Variants in CACNG7 observed in about 807,000 individuals in gnomAD.
CACNG7 encodes calcium voltage-gated channel auxiliary subunit gamma 7.
Under a neutral mutation model 26.3 loss-of-function variants are expected in CACNG7, and 9 were observed. The observed-to-expected ratio is 0.34, with a 90% confidence interval of 0.21 to 0.60. CACNG7 has a LOEUF of 0.60. Among genes scored for constraint, CACNG7 ranks in the 20% least tolerant of loss-of-function variants. The pLI is 0.81. For missense variants in CACNG7, 297 were observed against 380.4 expected (o/e 0.78, Z 1.82); for synonymous variants, 170 against 157.0 (o/e 1.08, Z -0.62).
chr19:53,912,669 C>G lies in CACNG7; in HGVS notation c.-29-134C>G. 1.5e-6 allele frequency: 1 copy of G among 671,102 alleles called. No homozygotes were observed. 41.6% of individuals were successfully genotyped at this position (671,102 alleles called of 1,614,324 possible). ...CTAGGGTTGGGGTCATGGGTCAGGC[C>G]ACGGAGGTCAGATCTGAGATTTCGA... On this transcript the variant is annotated intron_variant, in intron 1 of 5. Transcript: ENST00000391767. The surrounding 1 kb of genome is among the most constrained non-coding windows in gnomAD (Gnocchi z 4.6).
intron 4 of CACNG7, among the ~76,000 whole-genome samples, chr19:53,922,481 T>C (rs1401173849): frequency 5.5e-5 from 5 of 90,882 alleles, no homozygotes; most frequent in African/African-American, 2.4e-4. Flanking sequence ...TTGCCCCAGG[T>C]CTGGTCATTG....
At chr19:53,913,165 G>A (rs956062794) in intron 2 of CACNG7, 138 bp downstream of exon 2, 3 of 760,818 alleles carry the variant, frequency 3.9e-6, no homozygotes, top group East Asian at 2.7e-5. Context: ...AAATTTCTAC[G>A]TGGAGCCCCA....
chr19:53,941,983 T>A, intron 5 of CACNG7, 53 bp from the exon 6 acceptor site: 1 of 1,513,494 alleles, frequency 6.6e-7, no homozygotes, highest in African/African-American at 1.4e-5. Context: ...TGAGTCGGGG[T>A]CCGGGGATGC....
At chr19:53,935,533 G>A (rs1357873307) in intron 4 of CACNG7, among the ~76,000 whole-genome samples, 2 of 150,966 alleles carry the variant, frequency 1.3e-5, no homozygotes, top group Admixed American at 1.3e-4. Flanking sequence ...ATGTGGGTCA[G>A]GCTGGTCTCA....
At chr19:53,934,228 A>G (rs911171061) in intron 4 of CACNG7, among the ~76,000 whole-genome samples, 3 of 152,172 alleles carry the variant, frequency 2.0e-5, no homozygotes, top group African/African-American at 7.2e-5. Context: ...CTTCATGGTA[A>G]CACTTCATTT....
chr19:53,941,941 G>A, intron 5 of CACNG7, 95 bp from the exon 6 acceptor site: 1 of 1,414,776 alleles, frequency 7.1e-7, no homozygotes, highest in Non-Finnish European at 9.4e-7. Flanking sequence ...GGGGCTTGGG[G>A]TGGGGACTCT....
rs2069133363 is a variant in CACNG7 at position 53,940,910 on chromosome 19, A to T, written c.425-560A>T. On this transcript the variant is annotated intron_variant, in intron 4 of 5. Coordinates refer to ENST00000391767, the MANE Select transcript of CACNG7 (RefSeq NM_031896.5). This position sits in a 1 kb window ranked among gnomAD's most constrained non-coding sequence, Gnocchi z 4.1. ...TCTCTACTAAAAATATAAAAAAAAA[A>T]ATTAGTCGGGAGTGGTGGCGGGCGC... 6.6e-6 allele frequency among the ~76,000 whole-genome samples: 1 copy of T among 151,836 alleles called. No individual in the cohort carries two copies. Among genetic ancestry groups the T allele is most frequent in the Admixed American group, 6.6e-5 (1 of 15,232 alleles).
chr19:53,913,919 T>A (rs1179351359), intron 2 of CACNG7, among the ~76,000 whole-genome samples: 1 of 151,912 alleles, frequency 6.6e-6, no homozygotes, highest in East Asian at 1.9e-4. Context: ...GCCCCTTTGT[T>A]GCTTAAGACC....
intron 4 of CACNG7, among the ~76,000 whole-genome samples, chr19:53,928,324 T>G (rs1260539025): frequency 1.3e-5 from 2 of 152,060 alleles, no homozygotes; most frequent in Admixed American, 6.6e-5. Flanking sequence ...CAGGCTGGAG[T>G]GCAATGGTGC....
At chr19:53,929,798 T>A (rs542819771) in intron 4 of CACNG7, among the ~76,000 whole-genome samples, 2 of 152,136 alleles carry the variant, frequency 1.3e-5, no homozygotes, top group African/African-American at 4.8e-5. Flanking sequence ...GTTGAAAGTG[T>A]TATGGAAGTT....
At position 53,934,591 on chromosome 19, in the gene CACNG7, A is replaced by G. The variant is rs115209139; in HGVS notation, c.425-6879A>G. Among the ~76,000 whole-genome samples the G allele has an allele frequency of 7.4e-3, 1,117 of 151,832 alleles. 14 individuals carry two copies. Among genetic ancestry groups the G allele is most frequent in the African/African-American group, 0.026 (1,078 of 41,384 alleles). On this transcript the variant is annotated intron_variant, in intron 4 of 5. Coordinates refer to ENST00000391767, the MANE Select transcript of CACNG7 (RefSeq NM_031896.5). Reference sequence around the variant, plus strand: ...AGAGTTTGAGACCAGCGTGGTCAACATTGAGACCCTGTCTCTTAAAAAAAA... The same window carrying G: ...AGAGTTTGAGACCAGCGTGGTCAACGTTGAGACCCTGTCTCTTAAAAAAAA...
At chr19:53,915,129 A>G (rs928478485) in intron 3 of CACNG7, among the ~76,000 whole-genome samples, 1 of 151,984 alleles carries the variant, frequency 6.6e-6, no homozygotes, top group Non-Finnish European at 1.5e-5. Flanking sequence ...TCAATCAGAA[A>G]GGGGGCGGAG....
In CACNG7 at chr19:53,918,829, C is replaced by T. The variant is rs1030687606; in HGVS notation, c.424+3324C>T. 4.6e-5 allele frequency among the ~76,000 whole-genome samples: 7 copies of T among 152,028 alleles called. No homozygotes were observed. The South Asian group carries it at 1.2e-3, about 27-fold the overall frequency. On this transcript the variant is annotated intron_variant, in intron 4 of 5. Transcript: ENST00000391767. Reference sequence around the variant, plus strand: ...CGTCGCCCAGGCTGGAGTGCAATGGCGCGATCTCGGCTCACTGCAACCTCC... The same window carrying T: ...CGTCGCCCAGGCTGGAGTGCAATGGTGCGATCTCGGCTCACTGCAACCTCC...
rs1327626021 is a variant in CACNG7 at position 53,940,322 on chromosome 19, A to G, written c.425-1148A>G. 6.6e-6 allele frequency among the ~76,000 whole-genome samples: 1 copy of G among 152,166 alleles called. No homozygotes were observed. The highest frequency in any genetic ancestry group is 1.5e-5 in the Non-Finnish European group (1 of 68,038). ...TTGTGAAGTTTGAATGAATGTATAT[A>G]TATACACAACACCAAGAACAGTGCC... On this transcript the variant is annotated intron_variant, in intron 4 of 5. Coordinates refer to ENST00000391767, the MANE Select transcript of CACNG7 (RefSeq NM_031896.5). This position sits in a 1 kb window ranked among gnomAD's most constrained non-coding sequence, Gnocchi z 4.1.
intron 4 of CACNG7, among the ~76,000 whole-genome samples, chr19:53,919,688 GC>G (rs2068924307): frequency 7.6e-6 from 1 of 132,060 alleles, no homozygotes. Context: ...TGGTGGAGTT[GC>G]CCCAGGTCTG....
intron 4 of CACNG7, among the ~76,000 whole-genome samples, chr19:53,936,336 C>G (rs1387816397): frequency 6.6e-6 from 1 of 152,154 alleles, no homozygotes; most frequent in Non-Finnish European, 1.5e-5. Flanking sequence ...CAGTATCTGC[C>G]AGGTTCTTTC....
At chr19:53,916,584 G>A (rs1471292215) in intron 4 of CACNG7, among the ~76,000 whole-genome samples, 1 of 149,282 alleles carries the variant, frequency 6.7e-6, no homozygotes, top group Non-Finnish European at 1.5e-5. Context: ...TGCCTCCCGG[G>A]TTCAGACAAT....
At chr19:53,933,959 G>A (rs1371266052) in intron 4 of CACNG7, among the ~76,000 whole-genome samples, 5 of 151,876 alleles carry the variant, frequency 3.3e-5, no homozygotes, top group South Asian at 2.1e-4. Flanking sequence ...GTGCAATGGC[G>A]CAATCTCAGC....
At chr19:53,934,098 T>C (rs913402644) in intron 4 of CACNG7, among the ~76,000 whole-genome samples, 1 of 152,072 alleles carries the variant, frequency 6.6e-6, no homozygotes, top group Non-Finnish European at 1.5e-5. Context: ...GGTTTCTCCA[T>C]GTTAGTCAGG....
Sources: allele counts gnomAD v4.1 joint callset (sites outside exome capture counted in the v4.1 genomes callset), GRCh38; gene constraint gnomAD v4.1.1; non-coding constraint Gnocchi (gnomAD v3.1); transcripts MANE v1.5; gene names NCBI Gene and HGNC (gene_info 2026-07-23, HGNC 2026-07-21).